KCNH7: variants seen among roughly 807,000 people sequenced by gnomAD.
The protein encoded by KCNH7 is voltage-gated inwardly rectifying potassium channel KCNH7.
KCNH7 carries 49 observed loss-of-function variants against 120.8 expected under a neutral mutation model. The observed-to-expected ratio is 0.41, with a 90% CI of 0.32 to 0.51. KCNH7 has a LOEUF of 0.51. Ranked by LOEUF, KCNH7 falls within the 20% of genes least tolerant of loss-of-function variation. KCNH7 has a pLI of 0.38. For synonymous variants in KCNH7, 547 were observed against 516.1 expected (o/e 1.06, Z -0.81); for missense variants, 1,097 against 1,446.6 (o/e 0.76, Z 3.92).
intron 2 of KCNH7, among the ~76,000 whole-genome samples, chr2:162,733,395 T>G (rs537933781): frequency 6.6e-6 from 1 of 152,328 alleles, no homozygotes; most frequent in South Asian, 2.1e-4. Context: ...GCCACATAAC[T>G]TGCTTTGGCT....
intron 2 of KCNH7, among the ~76,000 whole-genome samples, chr2:162,615,132 G>C (rs1192421174): frequency 6.6e-6 from 1 of 152,086 alleles, no homozygotes; most frequent in African/African-American, 2.4e-5. Context: ...ATCACTTGTG[G>C]TTTTCATTCA....
Position 162,612,410 on chromosome 2 carries a change from C to T in KCNH7, c.308-75330G>A, listed in dbSNP as rs549815885. Among the ~76,000 whole-genome samples, 18 of 152,222 alleles carry T rather than the reference C, an allele frequency of 1.2e-4. No homozygotes were observed. The East Asian group carries it at 2.5e-3, about 21-fold the overall frequency. Reference sequence around the variant, plus strand: ...GAGCTTGAGTCAGAGAAAACATCTCCTCTAAAAATTACACATTTTTAATGC... The same window carrying T: ...GAGCTTGAGTCAGAGAAAACATCTCTTCTAAAAATTACACATTTTTAATGC... On this transcript the variant is annotated intron_variant, in intron 2 of 15. Transcript: ENST00000332142.
chr2:162,665,744 G>T (rs947362407), intron 2 of KCNH7, among the ~76,000 whole-genome samples: 1 of 152,174 alleles, frequency 6.6e-6, no homozygotes, highest in Non-Finnish European at 1.5e-5. Flanking sequence ...CAGGTATTTT[G>T]CTACATGGAT....
chr2:162,776,341 C>T (rs1373569760), intron 2 of KCNH7, among the ~76,000 whole-genome samples: 1 of 152,120 alleles, frequency 6.6e-6, no homozygotes, highest in African/African-American at 2.4e-5. Flanking sequence ...CGATCTGGGC[C>T]AAATCAGTTT....
At chr2:162,486,073 C>T (rs115447290) in intron 6 of KCNH7, among the ~76,000 whole-genome samples, 45 of 152,128 alleles carry the variant, frequency 3.0e-4, no homozygotes, top group Non-Finnish European at 5.7e-4. Context: ...GACCATTATG[C>T]GATATTTTTC....
chr2:162,734,711 T>G (rs1687840846), intron 2 of KCNH7, among the ~76,000 whole-genome samples: 1 of 152,080 alleles, frequency 6.6e-6, no homozygotes, highest in East Asian at 1.9e-4. Flanking sequence ...TTTTTTTAAT[T>G]TCAAAACCAT....
intron 9 of KCNH7, among the ~76,000 whole-genome samples, chr2:162,406,646 A>T (rs1687234215): frequency 6.6e-6 from 1 of 152,030 alleles, no homozygotes; most frequent in Admixed American, 6.6e-5. Flanking sequence ...TAGATGAGTA[A>T]TATATTAAAA....
intron 2 of KCNH7, among the ~76,000 whole-genome samples, chr2:162,822,075 A>T (rs1685138224): frequency 1.3e-5 from 1 of 76,242 alleles, no homozygotes; most frequent in African/African-American, 3.6e-5. Flanking sequence ...CCAGAATTTG[A>T]TTGAGGCCAT....
chr2:162,660,779 G>C (rs1684931512), intron 2 of KCNH7, among the ~76,000 whole-genome samples: 1 of 152,128 alleles, frequency 6.6e-6, no homozygotes, highest in African/African-American at 2.4e-5. Context: ...ATATTACAAT[G>C]TGTTAAATCT....
At chr2:162,422,981 G>A (rs1687753501) in intron 9 of KCNH7, among the ~76,000 whole-genome samples, 1 of 152,086 alleles carries the variant, frequency 6.6e-6, no homozygotes, top group Admixed American at 6.6e-5. Context: ...CTTGCCAAAT[G>A]TTATTGCAAC....
intron 9 of KCNH7, among the ~76,000 whole-genome samples, chr2:162,404,494 G>A (rs1337600411): frequency 6.6e-6 from 1 of 151,872 alleles, no homozygotes; most frequent in Non-Finnish European, 1.5e-5. Flanking sequence ...TTGGTCATGG[G>A]GGTTGATTCC....
intron 12 of KCNH7, among the ~76,000 whole-genome samples, chr2:162,385,234 T>C (rs1686539425): frequency 6.6e-6 from 1 of 151,904 alleles, no homozygotes; most frequent in South Asian, 2.1e-4. Context: ...ATTCTGAGAA[T>C]CTGGTACACT....
chr2:162,483,933 CAG>C (rs1285638389), intron 6 of KCNH7, among the ~76,000 whole-genome samples: 1 of 152,058 alleles, frequency 6.6e-6, no homozygotes, highest in East Asian at 1.9e-4. Context: ...AGGTGAAAAA[CAG>C]AGCATACAGG....
At chr2:162,453,605 C>T (rs1353200406) in intron 6 of KCNH7, among the ~76,000 whole-genome samples, 1 of 152,192 alleles carries the variant, frequency 6.6e-6, no homozygotes, top group Admixed American at 6.5e-5. Flanking sequence ...TCCTGTTTCT[C>T]CACAGCCTTG....
chr2:162,673,603 A>G (rs1685434671), intron 2 of KCNH7, among the ~76,000 whole-genome samples: 1 of 152,084 alleles, frequency 6.6e-6, no homozygotes, highest in Admixed American at 6.6e-5. Context: ...CTGCCATGGG[A>G]ATACAATGTC....
intron 2 of KCNH7, among the ~76,000 whole-genome samples, chr2:162,829,911 A>G (rs945870315): frequency 6.6e-6 from 1 of 151,494 alleles, no homozygotes; most frequent in Non-Finnish European, 1.5e-5. Context: ...CTTTAAGTAA[A>G]TACTAACAGT....
intron 2 of KCNH7, among the ~76,000 whole-genome samples, chr2:162,771,365 A>G (rs147259958): frequency 6.6e-6 from 1 of 152,198 alleles, no homozygotes; most frequent in East Asian, 1.9e-4. Flanking sequence ...TTGTGAGTCT[A>G]TATTTACTCT....
intron 2 of KCNH7, among the ~76,000 whole-genome samples, chr2:162,708,869 G>A (rs1686815749): frequency 6.6e-6 from 1 of 152,020 alleles, no homozygotes; most frequent in Non-Finnish European, 1.5e-5. Flanking sequence ...CTATGATGTA[G>A]AAAAATTGAA....
At chr2:162,396,080 A>G (rs932274422) in intron 11 of KCNH7, among the ~76,000 whole-genome samples, 1 of 151,812 alleles carries the variant, frequency 6.6e-6, no homozygotes, top group Admixed American at 6.6e-5. Flanking sequence ...TAGAACAGTA[A>G]TAGCTCATAA....
Sources: allele counts gnomAD v4.1 joint callset (sites outside exome capture counted in the v4.1 genomes callset), GRCh38; gene constraint gnomAD v4.1.1; transcripts MANE v1.5; gene names NCBI Gene and HGNC (gene_info 2026-07-23, HGNC 2026-07-21).